Variants in KYAT3 observed in about 807,000 individuals in gnomAD.
The protein encoded by KYAT3 is kynurenine aminotransferase 3.
A neutral mutation model predicts 59.0 loss-of-function variants in KYAT3; 50 were observed. The observed-to-expected ratio is 0.85, with a 90% CI of 0.68 to 1.07. The LOEUF (loss-of-function observed/expected upper bound fraction) is 1.07, where lower values mean the gene tolerates loss of function less well. Among genes scored for constraint, KYAT3 ranks in the 50% least tolerant of loss-of-function variants. KYAT3 has a pLI of 0.00. For missense variants in KYAT3, 497 were observed against 533.3 expected, an observed-to-expected ratio of 0.93 and a Z score of 0.67; for synonymous variants, 148 against 177.0, an observed-to-expected ratio of 0.84 and a Z score of 1.30.
At chr1:88,930,450 C>T in the KYAT3 span, among the ~76,000 whole-genome samples, 1 of 152,152 alleles carries the variant, frequency 6.6e-6, no homozygotes, top group African/African-American at 2.4e-5. Flanking sequence ...CAAACCTGCG[C>T]CGCTCGAGGG....
At chr1:88,931,185 T>C (rs1053612936), downstream of KYAT3, among the ~76,000 whole-genome samples, 1 of 152,226 alleles carries the variant, frequency 6.6e-6, no homozygotes. Flanking sequence ...CATTATTTAC[T>C]GGACCAGGCC....
At chr1:88,975,005 T>G (rs1382882975) in intron 2 of KYAT3, among the ~76,000 whole-genome samples, 1 of 152,188 alleles carries the variant, frequency 6.6e-6, no homozygotes, top group Non-Finnish European at 1.5e-5. Flanking sequence ...GTGTGGAAGC[T>G]TTGTTCTTTT....
chr1:88,983,481 T>C, intron 2 of KYAT3: 1 of 1,614,130 alleles, frequency 6.2e-7, no homozygotes, highest in Non-Finnish European at 8.5e-7. Context: ...GTTCCTCCAC[T>C]TCCTCCTCTT....
chr1:88,959,147 G>A (rs1320885305), intron 8 of KYAT3, among the ~76,000 whole-genome samples: 3 of 151,902 alleles, frequency 2.0e-5, no homozygotes, highest in Non-Finnish European at 4.4e-5. Context: ...AGATGAGGGG[G>A]TGCAGACTTG....
At chr1:88,927,978 A>G in the KYAT3 span, among the ~76,000 whole-genome samples, 1 of 152,228 alleles carries the variant, frequency 6.6e-6, no homozygotes, top group South Asian at 2.1e-4. Flanking sequence ...CCCACAGGCC[A>G]GCAGGCAGTT....
intron 10 of KYAT3, among the ~76,000 whole-genome samples, chr1:88,952,858 AAC>A (rs1316341849): frequency 3.3e-5 from 5 of 152,208 alleles, no homozygotes; most frequent in South Asian, 2.1e-4. Context: ...AGCAATGTTT[AAC>A]ACAGCTAAAA....
intron 4 of KYAT3, among the ~76,000 whole-genome samples, chr1:88,966,694 TC>T (rs1676363819): frequency 6.6e-6 from 1 of 152,106 alleles, no homozygotes; most frequent in Non-Finnish European, 1.5e-5. Context: ...TTTTCTTCTT[TC>T]TAATCTATGT....
At chr1:88,943,167 G>A in intron 12 of KYAT3, 76 bp from the exon 13 acceptor site, 1 of 1,172,902 alleles carries the variant, frequency 8.5e-7, no homozygotes, top group Non-Finnish European at 1.2e-6. Context: ...ACAGATACTA[G>A]AGGCAACTAG....
At chr1:88,959,932 G>A (rs984201343) in intron 8 of KYAT3, among the ~76,000 whole-genome samples, 1 of 149,608 alleles carries the variant, frequency 6.7e-6, no homozygotes, top group Non-Finnish European at 1.5e-5. Context: ...GCCGGGTATG[G>A]TGGTCTGTGC....
At chr1:88,938,734 G>A (rs58975423) in intron 13 of KYAT3, among the ~76,000 whole-genome samples, 5,555 of 152,226 alleles carry the variant, frequency 0.036, 275 homozygotes, top group African/African-American at 0.11. Flanking sequence ...TTTTATGGCT[G>A]CATAGTAGTC....
At chr1:88,957,959 C>T (rs180752778) in intron 8 of KYAT3, among the ~76,000 whole-genome samples, 1 of 152,298 alleles carries the variant, frequency 6.6e-6, no homozygotes, top group African/African-American at 2.4e-5. Flanking sequence ...TAAGGTGTCA[C>T]ACCCTGCAAA....
At chr1:88,945,705 C>T (rs1288164770) in intron 11 of KYAT3, among the ~76,000 whole-genome samples, 1 of 152,154 alleles carries the variant, frequency 6.6e-6, no homozygotes, top group African/African-American at 2.4e-5. Context: ...TTATGGTTTA[C>T]TTTTATTCTC....
intron 4 of KYAT3, 68 bp downstream of exon 4, chr1:88,968,602 C>T (rs1676431475): frequency 8.0e-7 from 1 of 1,248,086 alleles, no homozygotes; most frequent in Admixed American, 2.9e-5. Flanking sequence ...AGGGCACATG[C>T]ACACACACAG....
the KYAT3 span, among the ~76,000 whole-genome samples, chr1:88,926,842 A>T: frequency 4.6e-5 from 7 of 152,208 alleles, no homozygotes; most frequent in Admixed American, 1.3e-4. Context: ...TCTCTGAAAC[A>T]AATTTGCATA....
chr1:88,992,729 G>A (rs1235562801), upstream of KYAT3: 3 of 152,390 alleles, frequency 2.0e-5, no homozygotes, highest in African/African-American at 4.8e-5. Flanking sequence ...TTGGCGGAGG[G>A]GTAGGCCAGG....
In KYAT3 at chr1:88,983,870, G is replaced by A. The variant is rs1393443129; in HGVS notation, c.99+4382C>T. The A allele has an allele frequency of 2.5e-6, 4 of 1,611,616 alleles. No individual in the cohort carries two copies. The Admixed American group carries it at 5.0e-5, about 20-fold the overall frequency. ...GTCGGAGGGGTGACAGTGGGTTCAAGCTCCAACAAGCTCGCCGACAGGGGC... is the reference window on the plus strand; with the variant it reads ...GTCGGAGGGGTGACAGTGGGTTCAAACTCCAACAAGCTCGCCGACAGGGGC... On this transcript the variant is annotated intron_variant, in intron 2 of 13. Transcript: ENST00000260508.
chr1:88,976,207 A>T (rs1341383018), intron 2 of KYAT3, among the ~76,000 whole-genome samples: 3 of 151,476 alleles, frequency 2.0e-5, no homozygotes, highest in Non-Finnish European at 2.9e-5. Flanking sequence ...AAATACAAAA[A>T]TTAGCCGGGT....
downstream of KYAT3, among the ~76,000 whole-genome samples, chr1:88,933,242 C>G (rs1158666416): frequency 6.6e-6 from 1 of 152,182 alleles, no homozygotes; most frequent in Non-Finnish European, 1.5e-5. Flanking sequence ...TAATCTCCCT[C>G]CCCTGGCTAG....
In KYAT3 at chr1:88,957,927, A is replaced by G. The variant is rs963899407; in HGVS notation, c.788-2702T>C. On this transcript the variant is annotated intron_variant, in intron 8 of 13. Transcript: ENST00000260508. The stretch of plus-strand genomic sequence containing the variant: ...ATTGTGGCCTCTGATACAATTTAAA[A>G]CATGATAACATTTTGGTGTATTAAG... Among the ~76,000 whole-genome samples the G allele has an allele frequency of 2.0e-5, 3 of 152,174 alleles. No homozygotes were observed. In the South Asian group the frequency reaches 6.2e-4, roughly 32 times the overall value.
Sources: gnomAD v4.1 joint callset for allele counts (sites outside exome capture counted in the v4.1 genomes callset) on GRCh38, gnomAD v4.1.1 for gene constraint, MANE v1.5 for transcripts, NCBI Gene and HGNC (gene_info 2026-07-23, HGNC 2026-07-21) for gene names.